ZRANB3: variants seen among roughly 807,000 people sequenced by gnomAD.
The protein encoded by ZRANB3 is DNA annealing helicase and endonuclease ZRANB3.
In ZRANB3, 125 loss-of-function variants were observed where a neutral mutation model predicts 133.8. The ratio of observed to expected loss-of-function variants is 0.93; its 90% CI spans 0.81 to 1.08. The LOEUF is 1.08. ZRANB3 is among the 50% of genes least tolerant of loss of function. ZRANB3 has a pLI of 0.00. For synonymous variants in ZRANB3, 387 were observed against 432.7 expected (o/e 0.89, Z 1.31); for missense variants, 1,229 against 1,275.5 (o/e 0.96, Z 0.56).
At chr2:135,502,902 C>T (rs1693010090) in intron 2 of ZRANB3, among the ~76,000 whole-genome samples, 1 of 152,150 alleles carries the variant, frequency 6.6e-6, no homozygotes, top group African/African-American at 2.4e-5. Flanking sequence ...GCTATAAATA[C>T]AAATGTGTAC....
chr2:135,310,654 T>G (rs1360556313), intron 8 of ZRANB3, among the ~76,000 whole-genome samples: 4 of 150,722 alleles, frequency 2.7e-5, no homozygotes, highest in Non-Finnish European at 5.9e-5. Context: ...AACCTATATG[T>G]TATATGTATT....
Position 135,227,187 on chromosome 2 carries a change from T to C in ZRANB3, c.2158+625A>G, listed in dbSNP as rs1694787652. 2.0e-5 allele frequency among the ~76,000 whole-genome samples: 3 copies of C among 152,316 alleles called. No homozygotes were observed. The South Asian group carries it at 6.2e-4, about 32-fold the overall frequency. On this transcript the variant is annotated intron_variant, in intron 14 of 20. Coordinates refer to ENST00000264159, the MANE Select transcript of ZRANB3 (RefSeq NM_032143.4). ...AATAACCCAAAAGTACTCAGTCTCT[T>C]GCCAGCTAGCCCATAAACGATAGTG...
At chr2:135,414,231 T>C (rs1688447965) in intron 2 of ZRANB3, among the ~76,000 whole-genome samples, 1 of 151,978 alleles carries the variant, frequency 6.6e-6, no homozygotes, top group Non-Finnish European at 1.5e-5. Flanking sequence ...GAGACACACA[T>C]AGGCTCAAAA....
chr2:135,218,973 G>A (rs1694425942), intron 16 of ZRANB3, 104 bp downstream of exon 16: 3 of 749,810 alleles, frequency 4.0e-6, no homozygotes, highest in Non-Finnish European at 6.0e-6. Flanking sequence ...TCTACAACAT[G>A]CCACAAAGTG....
At chr2:135,414,078 G>C (rs966968717) in intron 2 of ZRANB3, among the ~76,000 whole-genome samples, 4 of 151,578 alleles carry the variant, frequency 2.6e-5, no homozygotes, top group Non-Finnish European at 5.9e-5. Context: ...ACATCATAAT[G>C]GCAGGATCAA....
intron 2 of ZRANB3, among the ~76,000 whole-genome samples, chr2:135,474,190 C>G (rs1320718015): frequency 5.9e-5 from 9 of 151,904 alleles, no homozygotes; most frequent in Admixed American, 5.9e-4. Context: ...GACCCCATCT[C>G]AAAAACAAAC....
At chr2:135,341,866 T>C (rs1684684141) in intron 6 of ZRANB3, among the ~76,000 whole-genome samples, 1 of 149,860 alleles carries the variant, frequency 6.7e-6, no homozygotes, top group African/African-American at 2.5e-5. Flanking sequence ...CCTGGCAAAT[T>C]CTAGTCAGAC....
chr2:135,356,792 C>G (rs556591367), intron 3 of ZRANB3, among the ~76,000 whole-genome samples: 6 of 152,090 alleles, frequency 3.9e-5, no homozygotes, highest in African/African-American at 1.2e-4. Context: ...ACTGCAGCCT[C>G]GATCTGGGCT....
At chr2:135,491,762 G>A (rs1157441250) in intron 2 of ZRANB3, among the ~76,000 whole-genome samples, 3 of 152,052 alleles carry the variant, frequency 2.0e-5, no homozygotes, top group East Asian at 1.9e-4. Flanking sequence ...TGATCTGCCC[G>A]CCTCAGCCTC....
chr2:135,289,999 A>C (rs1375974723), intron 8 of ZRANB3, among the ~76,000 whole-genome samples: 1 of 152,216 alleles, frequency 6.6e-6, no homozygotes, highest in Non-Finnish European at 1.5e-5. Flanking sequence ...CCATGTGCTG[A>C]TGAATATAAT....
chr2:135,378,310 T>C (rs1329061305), intron 3 of ZRANB3, among the ~76,000 whole-genome samples: 1 of 152,086 alleles, frequency 6.6e-6, no homozygotes, highest in Non-Finnish European at 1.5e-5. Flanking sequence ...CTGACCAACA[T>C]GGCGAAAGCC....
intron 4 of ZRANB3, among the ~76,000 whole-genome samples, chr2:135,351,412 T>C (rs1177121759): frequency 2.0e-5 from 3 of 151,768 alleles, no homozygotes; most frequent in Non-Finnish European, 1.5e-5. Context: ...GGACTACAGG[T>C]GCCCATCACC....
intron 3 of ZRANB3, among the ~76,000 whole-genome samples, chr2:135,374,448 G>A (rs1573995334): frequency 1.3e-5 from 2 of 150,646 alleles, no homozygotes; most frequent in Non-Finnish European, 3.0e-5. Context: ...GAAAGACAAT[G>A]TTAAGAGAAT....
intron 12 of ZRANB3, among the ~76,000 whole-genome samples, chr2:135,241,951 G>A (rs1462021616): frequency 6.6e-6 from 1 of 152,032 alleles, no homozygotes; most frequent in African/African-American, 2.4e-5. Flanking sequence ...AAGGTGAGGT[G>A]GGCGAATCAC....
At chr2:135,207,390 T>TCAGTA in intron 19 of ZRANB3, 44 bp downstream of exon 19, 1 of 1,534,012 alleles carries the variant, frequency 6.5e-7, no homozygotes. Context: ...TATTCATTAC[T>TCAGTA]CAGTACAATG....
intron 13 of ZRANB3, among the ~76,000 whole-genome samples, chr2:135,230,051 A>G (rs893585981): frequency 6.6e-6 from 1 of 152,234 alleles, no homozygotes; most frequent in South Asian, 2.1e-4. Flanking sequence ...AGCAAAAACC[A>G]TGGCACAATG....
At chr2:135,480,661 T>C (rs1490531097) in intron 2 of ZRANB3, among the ~76,000 whole-genome samples, 1 of 151,736 alleles carries the variant, frequency 6.6e-6, no homozygotes, top group African/African-American at 2.4e-5. Flanking sequence ...ATGTGCACAT[T>C]GTGCAGGTTA....
At chr2:135,397,228 A>G (rs903907424) in intron 2 of ZRANB3, among the ~76,000 whole-genome samples, 1 of 152,112 alleles carries the variant, frequency 6.6e-6, no homozygotes, top group Admixed American at 6.6e-5. Context: ...GGATCACTTT[A>G]GCGTACCAAT....
chr2:135,320,040 C>T (rs1683445585), intron 6 of ZRANB3, among the ~76,000 whole-genome samples: 1 of 151,830 alleles, frequency 6.6e-6, no homozygotes, highest in South Asian at 2.1e-4. Flanking sequence ...TCTTTTTTTT[C>T]CCCCCAAGAG....
Sources: gnomAD v4.1 joint callset for allele counts (sites outside exome capture counted in the v4.1 genomes callset) on GRCh38, gnomAD v4.1.1 for gene constraint, MANE v1.5 for transcripts, NCBI Gene and HGNC (gene_info 2026-07-23, HGNC 2026-07-21) for gene names.